Variants in LRRC9 observed in about 807,000 individuals in gnomAD.
The protein encoded by LRRC9 is leucine-rich repeat-containing protein 9.
Under a neutral mutation model 63.2 loss-of-function variants are expected in LRRC9, and 122 were observed. The observed-to-expected ratio is 1.93, with a 90% CI of 1.67 to 2.24. The LOEUF (loss-of-function observed/expected upper bound fraction) is 2.24, where lower values mean the gene tolerates loss of function less well. Ranked by LOEUF, LRRC9 falls within the 30% of genes most tolerant of loss-of-function variation. LRRC9 has a pLI of 0.00. For missense variants in LRRC9, 1,071 were observed against 627.7 expected (o/e 1.71, Z -7.55); for synonymous variants, 366 against 213.1 (o/e 1.72, Z -6.25).
At chr14:60,043,756 C>CTTTT (rs368065898) in intron 29 of LRRC9, among the ~76,000 whole-genome samples, 14 of 71,568 alleles carry the variant, frequency 2.0e-4, no homozygotes, top group East Asian at 4.6e-4. Context: ...TTTTCTTTTC[C>CTTTT]TTTTTTTTTT....
Position 59,958,103 on chromosome 14 carries a change from G to T in LRRC9, c.883-1715G>T, listed in dbSNP as rs1883966439. 6.6e-6 allele frequency among the ~76,000 whole-genome samples: 1 copy of T among 152,208 alleles called. No homozygotes were observed. Among genetic ancestry groups the T allele is most frequent in the African/African-American group, 2.4e-5 (1 of 41,466 alleles). ...ATGTCTCCCAGTCAGGAGGCACGGG[G>T]GTCAGGAACCCACTTGAGCAGGCAG... On this transcript the variant is annotated intron_variant, in intron 8 of 31. Coordinates refer to ENST00000445360, the Ensembl canonical transcript of LRRC9. The surrounding 1 kb of genome is among the most constrained non-coding windows in gnomAD (Gnocchi z 4.0).
chr14:60,066,105 C>T (rs1894879598), downstream of LRRC9, among the ~76,000 whole-genome samples: 1 of 151,976 alleles, frequency 6.6e-6, no homozygotes, highest in African/African-American at 2.4e-5. Context: ...AGGCATGAGC[C>T]ACCATGCCTG....
At chr14:59,978,475 T>C (rs549293779) in intron 15 of LRRC9, among the ~76,000 whole-genome samples, 1 of 152,308 alleles carries the variant, frequency 6.6e-6, no homozygotes, top group South Asian at 2.1e-4. Flanking sequence ...AACAGTTTTA[T>C]GGGTTTGCTT....
At position 59,997,978 on chromosome 14, in the gene LRRC9, G is replaced by A. The variant is rs1310981894; in HGVS notation, c.2403+131G>A. Reference sequence around the variant, plus strand: ...GTTTTTCTAGACTTCCTTCCTTGAAGTCATTCATAAATTGGATTTAATGTA... The same window carrying A: ...GTTTTTCTAGACTTCCTTCCTTGAAATCATTCATAAATTGGATTTAATGTA... On this transcript the variant is annotated intron_variant, in intron 18 of 31. Transcript: ENST00000445360. The A allele has an allele frequency of 1.3e-5, 7 of 553,598 alleles. No individual in the cohort carries two copies. The East Asian group carries it at 2.0e-4, about 16-fold the overall frequency. 34.3% of individuals were successfully genotyped at this position (553,598 alleles called of 1,614,324 possible).
At position 60,060,155 on chromosome 14, in the gene LRRC9, T is replaced by C. The variant is rs1468890079; in HGVS notation, c.4276+2133T>C. On this transcript the variant is annotated intron_variant, in intron 31 of 31. Coordinates refer to ENST00000445360, the Ensembl canonical transcript of LRRC9. This position sits in a 1 kb window ranked among gnomAD's most constrained non-coding sequence, Gnocchi z 4.0. ...ACTTTGTCTATGCTCTATCAGTCTA[T>C]GCTCTATCAATGTACAAAGCTTGGA... 6.6e-6 allele frequency among the ~76,000 whole-genome samples: 1 copy of C among 152,240 alleles called. No homozygotes were observed. The highest frequency in any genetic ancestry group is 2.4e-5 in the African/African-American group (1 of 41,474).
intron 14 of LRRC9, 122 bp from the exon 15 acceptor site, chr14:59,977,895 C>A (rs2140079678): frequency 4.1e-6 from 2 of 490,618 alleles, no homozygotes. Context: ...AAGAAAAAAT[C>A]TTCAATAATA....
chr14:60,063,520 C>CCTG, exon 32 of LRRC9: 1 of 514,624 alleles, frequency 1.9e-6, no homozygotes, highest in South Asian at 2.9e-5. Context: ...ATCTATTACC[C>CCTG]TTCATGAACT....
intron 23 of LRRC9, among the ~76,000 whole-genome samples, chr14:60,009,215 G>A (rs935337849): frequency 1.3e-5 from 2 of 152,160 alleles, no homozygotes; most frequent in East Asian, 1.9e-4. Context: ...CACTGACAAT[G>A]AGTGTATTAG....
At chr14:59,939,936 A>C (rs1005870992) in intron 7 of LRRC9, among the ~76,000 whole-genome samples, 5 of 152,156 alleles carry the variant, frequency 3.3e-5, no homozygotes, top group Admixed American at 2.0e-4. Context: ...TTGAAAGCAG[A>C]AAGTTGGTAC....
intron 10 of LRRC9, among the ~76,000 whole-genome samples, chr14:59,965,986 G>A (rs1377035239): frequency 6.9e-6 from 1 of 145,354 alleles, no homozygotes; most frequent in Non-Finnish European, 1.5e-5. Flanking sequence ...CAGTTAAATG[G>A]TGGTGCCATA....
chr14:59,995,530 TG>T (rs1309368313), intron 17 of LRRC9, among the ~76,000 whole-genome samples: 1 of 152,214 alleles, frequency 6.6e-6, no homozygotes, highest in Admixed American at 6.5e-5. Flanking sequence ...TTTTAATCTT[TG>T]TAAGTTGTAC....
chr14:59,947,040 T>A (rs1427894147), intron 8 of LRRC9, among the ~76,000 whole-genome samples: 1 of 148,126 alleles, frequency 6.8e-6, no homozygotes, highest in African/African-American at 2.5e-5. Context: ...GATGGCTGGG[T>A]CAAATGGTAT....
At chr14:60,018,930 G>A (rs1251400389) in intron 25 of LRRC9, among the ~76,000 whole-genome samples, 191 bp from the exon 26 acceptor site, 1 of 151,916 alleles carries the variant, frequency 6.6e-6, no homozygotes, top group Non-Finnish European at 1.5e-5. Flanking sequence ...GGGTCTCCAT[G>A]TGAAGTACTG....
At position 59,938,822 on chromosome 14, in the gene LRRC9, CAA is replaced by C. The variant is rs1881331462; in HGVS notation, c.726+251_726+252del. On this transcript the variant is annotated intron_variant, in intron 7 of 31. Coordinates refer to ENST00000445360, the Ensembl canonical transcript of LRRC9. This position sits in a 1 kb window ranked among gnomAD's most constrained non-coding sequence, Gnocchi z 4.2. The stretch of plus-strand genomic sequence containing the variant: ...AATAATGTTTCTAATCTATACAAAA[CAA>C]GAAGGAAATTGAAAAAAAATCAGTG... Among the ~76,000 whole-genome samples the C allele has an allele frequency of 6.8e-6, 1 of 147,360 alleles. No homozygotes were observed. Among genetic ancestry groups the C allele is most frequent in the Non-Finnish European group, 1.5e-5 (1 of 67,066 alleles).
At chr14:60,009,261 C>A (rs1890059727) in intron 23 of LRRC9, among the ~76,000 whole-genome samples, 1 of 152,218 alleles carries the variant, frequency 6.6e-6, no homozygotes, top group African/African-American at 2.4e-5. Flanking sequence ...ATACCCAAGA[C>A]TGGGCAATTT....
chr14:60,030,578 C>G (rs775385685), intron 28 of LRRC9, among the ~76,000 whole-genome samples: 2 of 152,062 alleles, frequency 1.3e-5, no homozygotes, highest in Non-Finnish European at 2.9e-5. Flanking sequence ...TCAGCAAAGG[C>G]CCCAATCCAG....
chr14:60,014,990 T>C (rs1890561596), intron 23 of LRRC9, among the ~76,000 whole-genome samples: 1 of 151,926 alleles, frequency 6.6e-6, no homozygotes, highest in South Asian at 2.1e-4. Context: ...TTTCTCTCTT[T>C]TGTTCATACT....
intron 31 of LRRC9, among the ~76,000 whole-genome samples, chr14:60,061,469 A>T (rs183120880): frequency 7.0e-4 from 107 of 152,284 alleles, no homozygotes; most frequent in African/African-American, 2.2e-3. Flanking sequence ...AGGTATGTAC[A>T]TTGTTTTTTT....
intron 29 of LRRC9, among the ~76,000 whole-genome samples, chr14:60,037,172 A>T (rs1214253221): frequency 6.6e-6 from 1 of 152,094 alleles, no homozygotes; most frequent in Non-Finnish European, 1.5e-5. Flanking sequence ...TCAATGATGG[A>T]CATTCGGGTT....
Sources: allele counts gnomAD v4.1 joint callset (sites outside exome capture counted in the v4.1 genomes callset), GRCh38; gene constraint gnomAD v4.1.1; non-coding constraint Gnocchi (gnomAD v3.1); transcripts MANE v1.5; gene names NCBI Gene and HGNC (gene_info 2026-07-23, HGNC 2026-07-21).